RASSF4: variants seen among roughly 807,000 people sequenced by gnomAD.
RASSF4 encodes the protein ras association domain-containing protein 4.
A neutral mutation model predicts 41.1 loss-of-function variants in RASSF4; 38 were observed. That is an observed-to-expected ratio of 0.92 (90% confidence interval 0.71 to 1.21). RASSF4 has a LOEUF of 1.21. Ranked by LOEUF, RASSF4 falls within the 50% of genes most tolerant of loss-of-function variation. The probability of loss-of-function intolerance (pLI) is 0.00; values close to 1 mark genes in which losing one functional copy is unlikely to be tolerated. For missense variants in RASSF4, 414 were observed against 419.4 expected (o/e 0.99, Z 0.11); for synonymous variants, 179 against 163.4 (o/e 1.10, Z -0.73).
chr10:44,982,562 C>G lies in RASSF4; in HGVS notation c.180C>G (p.Ala60=). The G allele has an allele frequency of 6.2e-7, 1 of 1,612,694 alleles. No homozygotes were observed. The highest frequency in any genetic ancestry group is 8.5e-7 in the Non-Finnish European group (1 of 1,179,308). Residue 60 remains alanine (A), a synonymous_variant, in exon 4 of 11, where the codon GCC becomes GCG. Transcript: ENST00000340258. ...TCATCGAGGGGCTCCTCAACATTGC[C>G]TGGGGGCTGAGGCGGCCCATCCGGC... ...TLIIEGLLNI[A]WGLRRPIRLQ...
chr10:44,960,253 G>T (rs1408725533), intron 1 of RASSF4, among the ~76,000 whole-genome samples: 1 of 152,222 alleles, frequency 6.6e-6, no homozygotes, highest in Non-Finnish European at 1.5e-5. Context: ...GATAATAGCA[G>T]CAGGGGGGGT....
In RASSF4 at chr10:44,970,183, G is replaced by A. The variant is rs1326719023; in HGVS notation, c.-20G>A. On this transcript the variant is annotated 5_prime_UTR_variant, in exon 2 of 11. Coordinates refer to ENST00000340258, the MANE Select transcript of RASSF4 (RefSeq NM_032023.4). ...TTCCCAGCAAGTAACTTCTAGGTCT[G>A]CAGACAAGAGGAAGAGAAGATGAAG... 2 of 1,610,774 alleles carry A rather than the reference G, an allele frequency of 1.2e-6. No homozygotes were observed. The highest frequency in any genetic ancestry group is 1.7e-5 in the Admixed American group (1 of 60,010).
At chr10:44,963,999 T>C (rs59626742) in intron 1 of RASSF4, among the ~76,000 whole-genome samples, 25,519 of 152,280 alleles carry the variant, frequency 0.17, 2,790 homozygotes, top group East Asian at 0.43. Context: ...CTTTTGCCAC[T>C]GGCCTGTAGG....
At chr10:44,983,758 C>T (rs1414220964) in intron 4 of RASSF4, 6 of 508,334 alleles carry the variant, frequency 1.2e-5, no homozygotes, top group Admixed American at 3.3e-5. Context: ...TTCATGTGTC[C>T]GTGTGTCTGT....
intron 2 of RASSF4, 35 bp from the exon 3 acceptor site, chr10:44,971,738 A>G: frequency 2.6e-6 from 4 of 1,565,130 alleles, no homozygotes; most frequent in Non-Finnish European, 3.5e-6. Context: ...GCCCTGCCAC[A>G]CCCTAGGAGT....
At chr10:44,969,628 TACTC>T (rs59459050) in intron 1 of RASSF4, among the ~76,000 whole-genome samples, 3,260 of 152,356 alleles carry the variant, frequency 0.021, 61 homozygotes, top group Middle Eastern at 0.037. Context: ...AATATGGTGA[TACTC>T]ACCTCACAAT....
chr10:44,989,712 G>A lies in RASSF4; in HGVS notation c.676G>A (p.Glu226Lys), dbSNP rs368016674. 37 of 1,613,964 alleles carry A rather than the reference G, an allele frequency of 2.3e-5. No homozygotes were observed. The highest frequency in any genetic ancestry group is 1.5e-4 in the African/African-American group (11 of 74,924). The change falls in exon 8 of 11, where the codon GAG (glutamate) becomes AAG (lysine). Residue 226 changes from glutamate (E) to lysine (K), a missense_variant. By Grantham distance (56) the Glu-to-Lys change is moderately conservative. Transcript: ENST00000340258. ...TGAGTTCGCACTCTACATCGTTCAC[G>A]AGTCTGGGGGTAAGTACCTGCCCCA... ...PSEFALYIVH[E>K]SGERTKLKDC...
chr10:44,988,843 A>G (rs1450266081), intron 6 of RASSF4, among the ~76,000 whole-genome samples: 2 of 152,204 alleles, frequency 1.3e-5, no homozygotes, highest in Non-Finnish European at 2.9e-5. Flanking sequence ...ACAAGCTGGG[A>G]AGCTGATATG....
intron 2 of RASSF4, chr10:44,970,542 A>G: frequency 2.5e-6 from 1 of 399,324 alleles, no homozygotes; most frequent in Non-Finnish European, 4.5e-6. Context: ...TATAACTTTT[A>G]CATTGATTGC....
At chr10:44,978,965 C>T (rs1304438530) in intron 3 of RASSF4, among the ~76,000 whole-genome samples, 1 of 152,172 alleles carries the variant, frequency 6.6e-6, no homozygotes, top group Admixed American at 6.5e-5. Flanking sequence ...GTTTTTCTGC[C>T]TGTAGGAGGC....
intron 3 of RASSF4, among the ~76,000 whole-genome samples, chr10:44,979,058 A>C (rs1025452968): frequency 6.6e-6 from 1 of 152,118 alleles, no homozygotes; most frequent in Non-Finnish European, 1.5e-5. Flanking sequence ...GAGGGGTTCC[A>C]CTGGGCCCTC....
Position 44,989,700 on chromosome 10 carries a change from T to C in RASSF4, c.664T>C (p.Tyr222His), listed in dbSNP as rs768871729. 1 of 1,614,102 alleles carries C rather than the reference T, an allele frequency of 6.2e-7. No homozygotes were observed. The highest frequency in any genetic ancestry group is 8.5e-7 in the Non-Finnish European group (1 of 1,180,028). ...VEDGPSEFAL[Y>H]IVHESGERTK... ...AGATGGCCCCAGTGAGTTCGCACTC[T>C]ACATCGTTCACGAGTCTGGGGGTAA... The change falls in exon 8 of 11, where the codon TAC becomes CAC. Residue 222 changes from tyrosine to histidine, a missense_variant. By Grantham distance (83) the Tyr-to-His change is moderately conservative. Transcript: ENST00000340258.
intron 6 of RASSF4, among the ~76,000 whole-genome samples, chr10:44,985,690 G>A (rs868221120): frequency 2.8e-4 from 42 of 152,182 alleles, no homozygotes; most frequent in African/African-American, 9.7e-4. Flanking sequence ...CTCAGGGTCC[G>A]ATCTGAAGGA....
At chr10:44,974,901 G>A (rs1002901820) in intron 3 of RASSF4, among the ~76,000 whole-genome samples, 38 of 152,250 alleles carry the variant, frequency 2.5e-4, no homozygotes, top group Admixed American at 1.6e-3. Context: ...ACAACAAAAA[G>A]CCTGAGCAAC....
At chr10:44,968,767 A>T (rs1448624340) in intron 1 of RASSF4, among the ~76,000 whole-genome samples, 2 of 152,194 alleles carry the variant, frequency 1.3e-5, no homozygotes, top group African/African-American at 4.8e-5. Context: ...ATTTGCACAC[A>T]CTCAGGTCGG....
intron 3 of RASSF4, chr10:44,978,109 C>T (rs1841533696): frequency 2.0e-6 from 3 of 1,505,186 alleles, no homozygotes; most frequent in Non-Finnish European, 1.8e-6. Flanking sequence ...CCCACCGCCC[C>T]TCAGCGTCAC....
chr10:44,970,379 GC>G (rs2132768644), intron 2 of RASSF4, 115 bp downstream of exon 2: 1 of 825,146 alleles, frequency 1.2e-6, no homozygotes, highest in East Asian at 2.5e-5. Context: ...CTGATGGGGT[GC>G]CCTGGGGGAC....
chr10:44,963,053 G>A (rs1193194082), intron 1 of RASSF4, among the ~76,000 whole-genome samples: 7 of 152,174 alleles, frequency 4.6e-5, no homozygotes, highest in Non-Finnish European at 1.0e-4. Context: ...GTAAAGGTGA[G>A]CTGGGCCTGT....
intron 1 of RASSF4, among the ~76,000 whole-genome samples, chr10:44,960,164 G>A (rs912525596): frequency 5.9e-5 from 9 of 152,216 alleles, no homozygotes; most frequent in Non-Finnish European, 8.8e-5. Context: ...TTTCCTAGAA[G>A]CACTGATCCT....
Sources: gnomAD v4.1 joint callset for allele counts (sites outside exome capture counted in the v4.1 genomes callset) on GRCh38, gnomAD v4.1.1 for gene constraint, MANE v1.5 for transcripts, NCBI Gene and HGNC (gene_info 2026-07-23, HGNC 2026-07-21) for gene names.